The following CACNA1H variants were observed in gnomAD, a reference collection of about 807,000 sequenced individuals.
CACNA1H encodes the protein voltage-dependent T-type calcium channel subunit alpha-1H.
CACNA1H carries 149 observed loss-of-function variants against 192.5 expected under a neutral mutation model. The ratio of observed to expected loss-of-function variants is 0.77; its 90% confidence interval spans 0.68 to 0.89. The LOEUF is 0.89. CACNA1H is among the 40% of genes least tolerant of loss of function. The pLI, the probability that CACNA1H is intolerant of heterozygous loss-of-function variation, is 0.00. For synonymous variants in CACNA1H, 2,202 were observed against 1,475.2 expected (o/e 1.49, Z -11.29); for missense variants, 4,257 against 3,423.5 (o/e 1.24, Z -6.08).
At chr16:1,196,143 C>G (rs1399715994) in intron 5 of CACNA1H, 120 bp downstream of exon 5, 9 of 764,650 alleles carry the variant, frequency 1.2e-5, no homozygotes, top group South Asian at 1.6e-5. Context: ...ACCAGGCACT[C>G]CGGCCCCAGC....
rs1042910570 is a variant in CACNA1H, at chr16:1,158,479, G to A, written c.299+4443G>A. ...GGTAGGGGTCTGCCGAGCGCCTGTC[G>A]TAGTCATTCCCTCCCCTTCATGGAA... On this transcript the variant is annotated intron_variant, in intron 2 of 34. Coordinates refer to ENST00000348261, the MANE Select transcript of CACNA1H (RefSeq NM_021098.3). 4.6e-5 allele frequency among the ~76,000 whole-genome samples: 7 copies of A among 152,166 alleles called. No individual in the cohort carries two copies. The East Asian group carries it at 7.7e-4, about 17-fold the overall frequency.
intron 2 of CACNA1H, chr16:1,157,124 G>C (rs1306759957): frequency 6.6e-6 from 1 of 152,210 alleles, no homozygotes; most frequent in African/African-American, 2.4e-5. Context: ...CGCCGTCCCG[G>C]CACACGGACG....
rs997052095 is a variant in CACNA1H, at chr16:1,167,223, G to A, written c.299+13187G>A. Among the ~76,000 whole-genome samples the A allele has an allele frequency of 3.9e-5, 6 of 152,194 alleles. No homozygotes were observed. Among genetic ancestry groups the A allele is most frequent in the East Asian group, 3.9e-4 (2 of 5,182 alleles). ...CGTGGGGATGAAACGGGCTCTTTGC[G>A]GGGGGCCTGTGGGGTATGGGCCTCC... On this transcript the variant is annotated intron_variant, in intron 2 of 34. Transcript: ENST00000348261. The surrounding 1 kb of genome is among the most constrained non-coding windows in gnomAD (Gnocchi z 4.2).
chr16:1,175,566 C>T lies in CACNA1H; in HGVS notation c.300-19406C>T, dbSNP rs74004845. Among the ~76,000 whole-genome samples the T allele has an allele frequency of 6.9e-3, 1,053 of 152,294 alleles. 8 individuals carry two copies. Among genetic ancestry groups the T allele is most frequent in the African/African-American group, 0.024 (984 of 41,566 alleles). Reference sequence around the variant, plus strand: ...AGGTCCCCGTCTGCTCGCCGTGTCCCGAGCTTGTCCTTCACTGTTGCCGTG... The same window carrying T: ...AGGTCCCCGTCTGCTCGCCGTGTCCTGAGCTTGTCCTTCACTGTTGCCGTG... On this transcript the variant is annotated intron_variant, in intron 2 of 34. Transcript: ENST00000348261.
chr16:1,221,692 A>G lies in CACNA1H; in HGVS notation c.*698A>G, dbSNP rs1970490358. 2.4e-6 allele frequency: 3 copies of G among 1,238,876 alleles called. No individual in the cohort carries two copies. Among genetic ancestry groups the G allele is most frequent in the Admixed American group, 2.9e-5 (1 of 34,732 alleles). 76.7% of individuals were successfully genotyped at this position (1,238,876 alleles called of 1,614,324 possible). Reference sequence around the variant, plus strand: ...TTAAATTCAGGTTAAATGTTGCAATAATCTGATGCAGAAGACTCAGCTTCT... The same window carrying G: ...TTAAATTCAGGTTAAATGTTGCAATGATCTGATGCAGAAGACTCAGCTTCT... On this transcript the variant is annotated 3_prime_UTR_variant, in exon 35 of 35. Coordinates refer to ENST00000348261, the MANE Select transcript of CACNA1H (RefSeq NM_021098.3).
rs759645572 is a variant in CACNA1H at position 1,210,382 on chromosome 16, C to T, written c.3858C>T (p.Ser1286=). ...CCCGCCCACCCAGGTTCCGCGTCTC[C>T]TGCCAGAAGGTCATCACACACAAGA... The part of the protein sequence containing the change: ...LFSPQNRFRV[S]CQKVITHKMF... The change falls in exon 19 of 35, where the codon TCC becomes TCT. Residue 1286 remains serine, a synonymous_variant. Transcript: ENST00000348261. The T allele has an allele frequency of 1.5e-5, 24 of 1,568,278 alleles. No homozygotes were observed. The Admixed American group carries it at 2.0e-4, about 13-fold the overall frequency.
chr16:1,168,276 C>T (rs1224570161), intron 2 of CACNA1H, among the ~76,000 whole-genome samples: 1 of 152,108 alleles, frequency 6.6e-6, no homozygotes, highest in Non-Finnish European at 1.5e-5. Flanking sequence ...GGCCATCCAG[C>T]AACCCCCATC....
At chr16:1,168,379 G>A (rs56349224) in intron 2 of CACNA1H, among the ~76,000 whole-genome samples, 1,564 of 152,228 alleles carry the variant, frequency 0.01, 14 homozygotes, top group Non-Finnish European at 0.016. Context: ...ACCCCGGGGC[G>A]TGGTTCTAGG....
chr16:1,210,350 A>AGCC lies in CACNA1H; in HGVS notation c.3846-20_3846-19insGCC. 1 of 313,938 alleles carries AGCC rather than the reference A, an allele frequency of 3.2e-6. No individual in the cohort carries two copies. The highest frequency in any genetic ancestry group is 4.6e-6 in the Non-Finnish European group (1 of 215,950). The allele number at this position is 313,938 out of a possible 1,614,324, so 19.4% of individuals were successfully genotyped here. On this transcript the variant is annotated intron_variant, in intron 18 of 34. Coordinates refer to ENST00000348261, the MANE Select transcript of CACNA1H (RefSeq NM_021098.3). ...TCCACGCCGCCCCGCCCCACCTCTC[A>AGCC]CCCGCCCCCGCCCACCCAGGTTCCG...
rs774645679 is a variant in CACNA1H at position 1,215,052 on chromosome 16, A to G, written c.5010A>G (p.Ala1670=). The change falls in exon 28 of 35, where the codon GCA becomes GCG. Residue 1670 remains alanine (A), a synonymous_variant. Transcript: ENST00000348261. ...TCGAGGCTGCACTGAAGCTGGTAGC[A>G]TTTGGGTTCCGTCGGTTCTTCAAGG... The part of the protein sequence containing the change: ...FVFEAALKLV[A]FGFRRFFKDR... 1.1e-5 allele frequency: 17 copies of G among 1,612,780 alleles called. No individual in the cohort carries two copies. Among genetic ancestry groups the G allele is most frequent in the Non-Finnish European group, 1.4e-5 (16 of 1,179,488 alleles).
chr16:1,200,091 T>C (rs568245428), intron 6 of CACNA1H, among the ~76,000 whole-genome samples, 165 bp from the exon 7 acceptor site: 3 of 152,258 alleles, frequency 2.0e-5, no homozygotes, highest in South Asian at 4.1e-4. Flanking sequence ...AGTCCTATCA[T>C]GCCCCCTGAC....
Position 1,172,121 on chromosome 16 carries a change from G to C in CACNA1H, c.299+18085G>C, listed in dbSNP as rs993590648. Reference sequence around the variant, plus strand: ...TCACCGGGATGATGCTGGGGTGGACGGGGCCCCGGGCCGCAGGGCGTGGGC... The same window carrying C: ...TCACCGGGATGATGCTGGGGTGGACCGGGCCCCGGGCCGCAGGGCGTGGGC... On this transcript the variant is annotated intron_variant, in intron 2 of 34. Transcript: ENST00000348261. Among the ~76,000 whole-genome samples, 3 of 152,276 alleles carry C rather than the reference G, an allele frequency of 2.0e-5. No individual in the cohort carries two copies. The East Asian group carries it at 5.8e-4, about 29-fold the overall frequency.
intron 9 of CACNA1H, among the ~76,000 whole-genome samples, chr16:1,203,329 G>T (rs746266195): frequency 1.1e-4 from 16 of 152,146 alleles, no homozygotes; most frequent in Non-Finnish European, 1.8e-4. Flanking sequence ...TGCTCGCATC[G>T]AGTCAAACAG....
Position 1,206,180 on chromosome 16 carries a change from C to G in CACNA1H, c.2680C>G (p.Leu894Val). The change falls in exon 12 of 35, where the codon CTG becomes GTG. Residue 894 changes from leucine (L) to valine (V), a missense_variant. By Grantham distance (32) the Leu-to-Val change is conservative (BLOSUM62 1). Coordinates refer to ENST00000348261, the MANE Select transcript of CACNA1H (RefSeq NM_021098.3). ...CTTCCGGCTGCTGCGTGTGCTGAAG[C>G]TGGTGCGCTTTCTGCCAGCCCTGCG... ...RTFRLLRVLKLVRFLPALRRQ... is the reference protein window; with the variant it reads ...RTFRLLRVLKVVRFLPALRRQ... 6.3e-7 allele frequency: 1 copy of G among 1,588,978 alleles called. No individual in the cohort carries two copies.
intron 2 of CACNA1H, among the ~76,000 whole-genome samples, chr16:1,187,824 T>G (rs2151794394): frequency 6.6e-6 from 1 of 152,328 alleles, no homozygotes; most frequent in Non-Finnish European, 1.5e-5. Context: ...CCTGTGGCTT[T>G]GATGCCTTAA....
At chr16:1,212,232 A>T in intron 25 of CACNA1H, 94 bp downstream of exon 25, 1 of 1,468,464 alleles carries the variant, frequency 6.8e-7, no homozygotes, top group Non-Finnish European at 9.0e-7. Context: ...GGCCTCCCCG[A>T]ATGGCTCTGC....
rs761698159 is a variant in CACNA1H at position 1,207,370 on chromosome 16, C to T, written c.3003C>T (p.Phe1001=). 53 of 1,613,114 alleles carry T rather than the reference C, an allele frequency of 3.3e-5. No homozygotes were observed. Among genetic ancestry groups the T allele is most frequent in the African/African-American group, 5.3e-5 (4 of 74,902 alleles). The change falls in exon 14 of 35, where the codon TTC becomes TTT. Residue 1001 remains phenylalanine (F), a synonymous_variant. Coordinates refer to ENST00000348261, the MANE Select transcript of CACNA1H (RefSeq NM_021098.3). ...AALYFVALMT[F]GNYVLFNLLV... is the part of the protein sequence containing the mutation. Reference sequence around the variant, plus strand: ...TCTACTTCGTGGCCCTCATGACCTTCGGCAACTATGTGCTCTTCAACCTGC... The same window carrying T: ...TCTACTTCGTGGCCCTCATGACCTTTGGCAACTATGTGCTCTTCAACCTGC...
Position 1,221,530 on chromosome 16 carries a change from ACT to A in CACNA1H, c.*539_*540del, listed in dbSNP as rs1970479805. 7 of 461,950 alleles carry A rather than the reference ACT, an allele frequency of 1.5e-5. No individual in the cohort carries two copies. In the Admixed American group the frequency reaches 2.5e-4, roughly 16 times the overall value. 28.6% of individuals were successfully genotyped at this position (461,950 alleles called of 1,614,324 possible). ...CGGGCCTTCCCAGAAGCGTCCTGTG[ACT>A]CTGGGAGAGGTGACACCTCACTAAG... On this transcript the variant is annotated 3_prime_UTR_variant, in exon 35 of 35. Transcript: ENST00000348261.
intron 2 of CACNA1H, among the ~76,000 whole-genome samples, chr16:1,182,866 C>G (rs2151763370): frequency 6.6e-6 from 1 of 152,218 alleles, no homozygotes; most frequent in African/African-American, 2.4e-5. Flanking sequence ...CAGGTGACCT[C>G]TCTGGAGCTG....
Sources: allele counts gnomAD v4.1 joint callset (sites outside exome capture counted in the v4.1 genomes callset), GRCh38; gene constraint gnomAD v4.1.1; non-coding constraint Gnocchi (gnomAD v3.1); transcripts MANE v1.5; gene names NCBI Gene and HGNC (gene_info 2026-07-23, HGNC 2026-07-21).